FSTL5: variants seen among roughly 807,000 people sequenced by gnomAD.
FSTL5 encodes the protein follistatin like 5.
A neutral mutation model predicts 89.1 loss-of-function variants in FSTL5; 62 were observed. The ratio of observed to expected loss-of-function variants is 0.70; its 90% CI spans 0.57 to 0.86. The LOEUF (loss-of-function observed/expected upper bound fraction) is 0.86. FSTL5 is among the 40% of genes least tolerant of loss of function. The probability of loss-of-function intolerance (pLI) is 0.00; values close to 1 mark genes in which losing one functional copy is unlikely to be tolerated. For synonymous variants in FSTL5, 383 were observed against 346.2 expected (o/e 1.11, Z -1.18); for missense variants, 1,057 against 1,001.6 (o/e 1.06, Z -0.75).
chr4:161,903,473 A>T (rs1373768283), intron 4 of FSTL5, among the ~76,000 whole-genome samples: 1 of 151,958 alleles, frequency 6.6e-6, no homozygotes, highest in Non-Finnish European at 1.5e-5. Flanking sequence ...CCTTTGCTCC[A>T]ATTTAAATAT....
At chr4:161,439,103 A>G (rs1732673967) in intron 15 of FSTL5, among the ~76,000 whole-genome samples, 1 of 152,210 alleles carries the variant, frequency 6.6e-6, no homozygotes, top group Non-Finnish European at 1.5e-5. Context: ...ATTATTATGA[A>G]ACACATAATC....
intron 4 of FSTL5, among the ~76,000 whole-genome samples, chr4:161,809,342 G>A (rs1367357186): frequency 6.6e-6 from 1 of 152,192 alleles, no homozygotes; most frequent in Non-Finnish European, 1.5e-5. Flanking sequence ...TGTCTAGGAC[G>A]TGAAGAAATT....
chr4:161,875,987 T>C (rs953167393), intron 4 of FSTL5, among the ~76,000 whole-genome samples: 2 of 152,176 alleles, frequency 1.3e-5, no homozygotes, highest in African/African-American at 4.8e-5. Context: ...TCATTCTTTC[T>C]AAACCTTAGA....
intron 15 of FSTL5, among the ~76,000 whole-genome samples, chr4:161,400,201 T>C (rs1401773423): frequency 6.6e-6 from 1 of 152,252 alleles, no homozygotes; most frequent in Middle Eastern, 3.4e-3. Context: ...ACCTATATTA[T>C]TCAGGTCAAC....
At chr4:161,628,285 T>C (rs1174997915) in intron 7 of FSTL5, among the ~76,000 whole-genome samples, 1 of 152,178 alleles carries the variant, frequency 6.6e-6, no homozygotes, top group Non-Finnish European at 1.5e-5. Context: ...CTATAATCTC[T>C]ATATTTTTAC....
chr4:161,706,633 A>C (rs1221287533), intron 6 of FSTL5, among the ~76,000 whole-genome samples: 1 of 152,032 alleles, frequency 6.6e-6, no homozygotes, highest in East Asian at 1.9e-4. Context: ...CTTCCTTTAA[A>C]TGTATGTCAC....
At chr4:161,418,441 G>C (rs1454214724) in intron 15 of FSTL5, among the ~76,000 whole-genome samples, 1 of 152,132 alleles carries the variant, frequency 6.6e-6, no homozygotes, top group Non-Finnish European at 1.5e-5. Context: ...GTTTTTGACT[G>C]CAAGGTGGGA....
At chr4:161,742,857 A>G (rs1740074459) in intron 6 of FSTL5, among the ~76,000 whole-genome samples, 1 of 152,216 alleles carries the variant, frequency 6.6e-6, no homozygotes, top group South Asian at 2.1e-4. Flanking sequence ...GCAGATGACC[A>G]AAAAGTACAT....
At chr4:161,974,247 G>A (rs940597810) in intron 3 of FSTL5, among the ~76,000 whole-genome samples, 5 of 152,038 alleles carry the variant, frequency 3.3e-5, no homozygotes, top group African/African-American at 1.2e-4. Flanking sequence ...TCACAGAATT[G>A]GAAAAAACTA....
At chr4:161,834,780 C>A (rs1362488413) in intron 4 of FSTL5, among the ~76,000 whole-genome samples, 1 of 152,020 alleles carries the variant, frequency 6.6e-6, no homozygotes, top group East Asian at 1.9e-4. Context: ...AACTACAAAC[C>A]ACTGCTCGAG....
intron 3 of FSTL5, among the ~76,000 whole-genome samples, chr4:161,967,265 C>T (rs1000535415): frequency 2.6e-5 from 4 of 151,958 alleles, no homozygotes; most frequent in Non-Finnish European, 5.9e-5. Context: ...TGTTGAGAAA[C>T]TCCACTTTAC....
At chr4:162,005,397 G>A (rs1030266853) in intron 3 of FSTL5, among the ~76,000 whole-genome samples, 2 of 151,952 alleles carry the variant, frequency 1.3e-5, no homozygotes, top group Non-Finnish European at 2.9e-5. Context: ...TCTCTACTCT[G>A]GTGTCTTTGG....
intron 10 of FSTL5, among the ~76,000 whole-genome samples, chr4:161,513,058 T>A (rs1407826122): frequency 6.6e-6 from 1 of 152,128 alleles, no homozygotes; most frequent in African/African-American, 2.4e-5. Context: ...AGATTGTTTC[T>A]GCATTTTCAG....
chr4:161,439,717 A>AACACAC (rs35746681), intron 15 of FSTL5, among the ~76,000 whole-genome samples: 9 of 151,004 alleles, frequency 6.0e-5, no homozygotes, highest in Admixed American at 5.3e-4. Flanking sequence ...CTGATTATTT[A>AACACAC]ACACACACAC....
intron 7 of FSTL5, among the ~76,000 whole-genome samples, chr4:161,605,361 G>A (rs910184740): frequency 1.3e-5 from 2 of 152,070 alleles, no homozygotes; most frequent in East Asian, 1.9e-4. Flanking sequence ...TAATTGCAAT[G>A]ATTTAATTAC....
chr4:161,845,202 C>T (rs1309468744), intron 4 of FSTL5, among the ~76,000 whole-genome samples: 2 of 152,144 alleles, frequency 1.3e-5, no homozygotes, highest in African/African-American at 4.8e-5. Flanking sequence ...GATTAATGCA[C>T]TCTTCTCAGT....
At chr4:161,541,435 T>G (rs2126543428) in intron 9 of FSTL5, among the ~76,000 whole-genome samples, 1 of 152,122 alleles carries the variant, frequency 6.6e-6, no homozygotes, top group Non-Finnish European at 1.5e-5. Context: ...TTTATTCATT[T>G]AATTTCTGTT....
intron 5 of FSTL5, among the ~76,000 whole-genome samples, chr4:161,765,390 C>T (rs895303912): frequency 7.2e-5 from 11 of 152,110 alleles, no homozygotes; most frequent in African/African-American, 1.4e-4. Context: ...TGAGATAAAA[C>T]GGCTATTATA....
At chr4:161,462,392 T>C (rs1251711366) in intron 13 of FSTL5, among the ~76,000 whole-genome samples, 5 of 152,210 alleles carry the variant, frequency 3.3e-5, no homozygotes, top group Non-Finnish European at 1.5e-5. Context: ...CGGGCTCAAA[T>C]ACATGCCGTC....
Sources: allele counts gnomAD v4.1 joint callset (sites outside exome capture counted in the v4.1 genomes callset), GRCh38; gene constraint gnomAD v4.1.1; transcripts MANE v1.5; gene names NCBI Gene and HGNC (gene_info 2026-07-23, HGNC 2026-07-21).